Variants in CHAD observed in about 807,000 individuals in gnomAD.
CHAD encodes cartilage leucine-rich protein.
In CHAD, 18 loss-of-function variants were observed where a neutral mutation model predicts 24.0. The observed-to-expected ratio is 0.75, with a 90% CI of 0.52 to 1.11. The LOEUF (loss-of-function observed/expected upper bound fraction) is 1.11. Ranked by LOEUF, CHAD falls within the 50% of genes most tolerant of loss-of-function variation. The probability of loss-of-function intolerance (pLI) is 0.00; values close to 1 mark genes in which losing one functional copy is unlikely to be tolerated. For synonymous variants in CHAD, 195 were observed against 211.6 expected, an observed-to-expected ratio of 0.92 and a Z score of 0.68; for missense variants, 440 against 467.2, an observed-to-expected ratio of 0.94 and a Z score of 0.54.
Position 50,466,566 on chromosome 17 carries a change from T to C in CHAD, c.775-696A>G, listed in dbSNP as rs186102182. On this transcript the variant is annotated intron_variant, in intron 1 of 3. Transcript: ENST00000508540. Reference sequence around the variant, plus strand: ...GGCTGCCAGAGTTTGGCCCCAGCAATCCAAACTGGTACACGGTGAACTTGG... The same window carrying C: ...GGCTGCCAGAGTTTGGCCCCAGCAACCCAAACTGGTACACGGTGAACTTGG... Among the ~76,000 whole-genome samples, 712 of 152,276 alleles carry C rather than the reference T, an allele frequency of 4.7e-3. 4 individuals are homozygous for C. Among genetic ancestry groups the C allele is most frequent in the African/African-American group, 0.017 (697 of 41,562 alleles).
chr17:50,468,783 C>G lies in CHAD; in HGVS notation c.31G>C (p.Gly11Arg). The G allele has an allele frequency of 4.5e-6, 7 of 1,566,894 alleles. No individual in the cohort carries two copies. The highest frequency in any genetic ancestry group is 3.4e-5 in the South Asian group (3 of 87,546). ...GCCGGCAGCAGACCAGCCAGGAGGCCGAGGCTGAGCAAGAGCATTGGGCGG... is the reference window on the plus strand; with the variant it reads ...GCCGGCAGCAGACCAGCCAGGAGGCGGAGGCTGAGCAAGAGCATTGGGCGG... MVRPMLLLSL[G>R]LLAGLLPALA... Residue 11 changes from glycine (G) to arginine (R), a missense_variant, in exon 1 of 4, where the codon GGC (glycine) becomes CGC (arginine). Gly to Arg is a moderately radical substitution (Grantham distance 125). Transcript: ENST00000508540.
chr17:50,467,767 TGGCCCTAGGG>T, intron 1 of CHAD: 1 of 369,748 alleles, frequency 2.7e-6, no homozygotes, highest in Non-Finnish European at 4.8e-6. Context: ...GCACTGGAGA[TGGCCCTAGGG>T]GGCCTTTTGT....
intron 3 of CHAD, 105 bp downstream of exon 3, chr17:50,465,189 G>C: frequency 7.3e-7 from 1 of 1,361,192 alleles, no homozygotes. Flanking sequence ...TAAAAATGGA[G>C]GGTCTGCCTG....
Position 50,468,535 on chromosome 17 carries a change from A to T in CHAD, c.279T>A (p.Gly93=). 1.9e-6 allele frequency: 3 copies of T among 1,614,246 alleles called. No individual in the cohort carries two copies. The highest frequency in any genetic ancestry group is 2.5e-6 in the Non-Finnish European group (3 of 1,180,042). Reference sequence around the variant, plus strand: ...TAAGTTGCTTGAGGCCGCGGAAGGCACCGGCGGCCACCTCGCGGATCTGGC... The same window carrying T: ...TAAGTTGCTTGAGGCCGCGGAAGGCTCCGGCGGCCACCTCGCGGATCTGGC... The part of the protein sequence containing the change: ...QHCQIREVAA[G]AFRGLKQLIY... Residue 93 remains glycine (G), a synonymous_variant, in exon 1 of 4, where the codon GGT becomes GGA. Coordinates refer to ENST00000508540, the MANE Select transcript of CHAD (RefSeq NM_001267.3).
chr17:50,464,755 G>T lies in CHAD; in HGVS notation c.*299C>A. 3.4e-6 allele frequency: 1 copy of T among 294,894 alleles called. No homozygotes were observed. Among genetic ancestry groups the T allele is most frequent in the Non-Finnish European group, 6.5e-6 (1 of 154,194 alleles). 18.3% of individuals were successfully genotyped at this position (294,894 alleles called of 1,614,324 possible). ...GCCATCCTGATGACCAACCTGTTGTGGTTCTGATTGACTTGGGGGGGGGGT... is the reference window on the plus strand; with the variant it reads ...GCCATCCTGATGACCAACCTGTTGTTGTTCTGATTGACTTGGGGGGGGGGT... On this transcript the variant is annotated 3_prime_UTR_variant, in exon 4 of 4. Coordinates refer to ENST00000508540, the MANE Select transcript of CHAD (RefSeq NM_001267.3).
chr17:50,467,935 A>T, intron 1 of CHAD, 105 bp downstream of exon 1: 1 of 1,221,408 alleles, frequency 8.2e-7, no homozygotes, highest in Non-Finnish European at 1.1e-6. Context: ...AGCCAGAGGG[A>T]CAGGGAACCT....
Position 50,468,040 on chromosome 17 carries a change from C to A in CHAD, c.774G>T (p.Lys258Asn). Residue 258 changes from lysine (K) to asparagine (N), a missense_variant and splice_region_variant, in exon 1 of 4, where the codon AAG (lysine) becomes AAT (asparagine). Physicochemically the swap from Lys to Asn is moderately conservative, Grantham distance 94. Transcript: ENST00000508540. ...TLWLDNTNLE[K>N]FSDGAFLGVT... is the part of the protein sequence containing the mutation. ...GCAGAGCCCACAGCCAGGAGCTCACCTTCTCCAGGTTGGTGTTGTCCAGCC... is the reference window on the plus strand; with the variant it reads ...GCAGAGCCCACAGCCAGGAGCTCACATTCTCCAGGTTGGTGTTGTCCAGCC... The A allele has an allele frequency of 6.3e-7, 1 of 1,579,694 alleles. No homozygotes were observed. Among genetic ancestry groups the A allele is most frequent in the Non-Finnish European group, 8.6e-7 (1 of 1,158,356 alleles).
At chr17:50,466,086 T>A (rs1291342544) in intron 1 of CHAD, among the ~76,000 whole-genome samples, 1 of 150,356 alleles carries the variant, frequency 6.7e-6, no homozygotes, top group Non-Finnish European at 1.5e-5. Context: ...TTTTTTTTTT[T>A]TTTCCTTTTT....
Position 50,468,841 on chromosome 17 carries a change from G to A in CHAD, c.-28C>T. On this transcript the variant is annotated 5_prime_UTR_variant, in exon 1 of 4. Transcript: ENST00000508540. The stretch of plus-strand genomic sequence containing the variant: ...CTGGGACGCCTGGGGCCGGGGCTGG[G>A]GGCAGCAGCGGCGGCGGGGCGCGGG... 1.4e-6 allele frequency: 2 copies of A among 1,460,652 alleles called. No individual in the cohort carries two copies. Among genetic ancestry groups the A allele is most frequent in the Non-Finnish European group, 1.8e-6 (2 of 1,115,866 alleles). The allele number at this position is 1,460,652 out of a possible 1,614,324, so 90.5% of individuals were successfully genotyped here. A position where few individuals can be genotyped will look rare whatever the true frequency, so the allele number is the denominator to read the frequency against.
At chr17:50,466,694 A>G (rs2032752353) in intron 1 of CHAD, among the ~76,000 whole-genome samples, 1 of 152,164 alleles carries the variant, frequency 6.6e-6, no homozygotes, top group South Asian at 2.1e-4. Flanking sequence ...TGCCAGCCAG[A>G]CGCTATTTGT....
intron 1 of CHAD, 60 bp downstream of exon 1, chr17:50,467,980 T>A: frequency 1.3e-6 from 2 of 1,503,772 alleles, no homozygotes; most frequent in Non-Finnish European, 1.8e-6. Context: ...TGGCCCTGGC[T>A]CCTGGGGCCT....
chr17:50,465,105 G>T, intron 3 of CHAD, 56 bp from the exon 4 acceptor site: 1 of 632,350 alleles, frequency 1.6e-6, no homozygotes. Flanking sequence ...GATGCTTGAA[G>T]AAAATGGTGG....
Position 50,468,166 on chromosome 17 carries a change from G to A in CHAD, c.648C>T (p.Ser216=), listed in dbSNP as rs769764665. The A allele has an allele frequency of 6.2e-7, 1 of 1,614,068 alleles. No individual in the cohort carries two copies. Among genetic ancestry groups the A allele is most frequent in the Non-Finnish European group, 8.5e-7 (1 of 1,180,030 alleles). ...QLSSYPSAAL[S]KLRVVEELKL... ...TCAGCTCCTCCACCACCCGTAGCTT[G>A]CTCAGGGCAGCTGAGGGGTAGCTGG... The change falls in exon 1 of 4, where the codon AGC becomes AGT. Residue 216 remains serine (S), a synonymous_variant. Coordinates refer to ENST00000508540, the MANE Select transcript of CHAD (RefSeq NM_001267.3).
Position 50,468,526 on chromosome 17 carries a change from G to T in CHAD, c.288C>A (p.Arg96=). 1 of 1,614,256 alleles carries T rather than the reference G, an allele frequency of 6.2e-7. No individual in the cohort carries two copies. Among genetic ancestry groups the T allele is most frequent in the Non-Finnish European group, 8.5e-7 (1 of 1,180,040 alleles). The change falls in exon 1 of 4, where the codon CGC becomes CGA. Residue 96 remains arginine (R), a synonymous_variant. Transcript: ENST00000508540. ...ACAAGTAGATAAGTTGCTTGAGGCC[G>T]CGGAAGGCACCGGCGGCCACCTCGC... ...QIREVAAGAF[R]GLKQLIYLYL...
chr17:50,468,306 C>A lies in CHAD; in HGVS notation c.508G>T (p.Ala170Ser). Reference sequence around the variant, plus strand: ...AGGTAGAGCCAGCGCAGGTCCTTGGCTCCCTGGAAGGCGCCTGCGCGCAGC... The same window carrying A: ...AGGTAGAGCCAGCGCAGGTCCTTGGATCCCTGGAAGGCGCCTGCGCGCAGC... ...RELRAGAFQG[A>S]KDLRWLYLSE... Residue 170 changes from alanine (A) to serine (S), a missense_variant, in exon 1 of 4, where the codon GCC (alanine) becomes TCC (serine). Coordinates refer to ENST00000508540, the MANE Select transcript of CHAD (RefSeq NM_001267.3). 6.2e-7 allele frequency: 1 copy of A among 1,613,952 alleles called. No individual in the cohort carries two copies. Among genetic ancestry groups the A allele is most frequent in the Non-Finnish European group, 8.5e-7 (1 of 1,179,848 alleles).
chr17:50,468,329 A>G lies in CHAD; in HGVS notation c.485T>C (p.Leu162Pro). 6.2e-7 allele frequency: 1 copy of G among 1,614,148 alleles called. No individual in the cohort carries two copies. The highest frequency in any genetic ancestry group is 8.5e-7 in the Non-Finnish European group (1 of 1,180,004). Residue 162 changes from leucine (L) to proline (P), a missense_variant, in exon 1 of 4, where the codon CTG (leucine) becomes CCG (proline). Transcript: ENST00000508540. ...GGCTCCCTGGAAGGCGCCTGCGCGCAGCTCACGGATCTTGTTGTTGTTGAG... is the reference window on the plus strand; with the variant it reads ...GGCTCCCTGGAAGGCGCCTGCGCGCGGCTCACGGATCTTGTTGTTGTTGAG... ...LQLNNNKIRE[L>P]RAGAFQGAKD...
At chr17:50,465,263 G>A in intron 3 of CHAD, 31 bp downstream of exon 3, 2 of 1,613,556 alleles carry the variant, frequency 1.2e-6, no homozygotes, top group Non-Finnish European at 1.7e-6. Context: ...ACCAAAGAGG[G>A]ACATAGGGGA....
chr17:50,464,746 AC>A lies in CHAD; in HGVS notation c.*307del. 3.1e-6 allele frequency: 1 copy of A among 320,416 alleles called. No homozygotes were observed. The highest frequency in any genetic ancestry group is 2.2e-5 in the South Asian group (1 of 44,580). The allele number at this position is 320,416 out of a possible 1,614,324, so 19.8% of individuals were successfully genotyped here. ...GGGAGGGTGGCCATCCTGATGACCA[AC>A]CTGTTGTGGTTCTGATTGACTTGGG... On this transcript the variant is annotated 3_prime_UTR_variant, in exon 4 of 4. Coordinates refer to ENST00000508540, the MANE Select transcript of CHAD (RefSeq NM_001267.3).
At position 50,465,053 on chromosome 17, in the gene CHAD, C is replaced by T; in HGVS notation, c.*5-4G>A. 1.9e-6 allele frequency: 1 copy of T among 535,712 alleles called. No individual in the cohort carries two copies. Among genetic ancestry groups the T allele is most frequent in the Non-Finnish European group, 3.3e-6 (1 of 299,366 alleles). The allele number at this position is 535,712 out of a possible 1,614,324, so 33.2% of individuals were successfully genotyped here. On this transcript the variant is annotated splice_region_variant and splice_polypyrimidine_tract_variant and intron_variant, in intron 3 of 3. Coordinates refer to ENST00000508540, the MANE Select transcript of CHAD (RefSeq NM_001267.3). ...CCAGGACTGGCTGGGTCAGAACCTG[C>T]AAAGAGGCAAAGATCGATGTCAGTA...
Sources: allele counts gnomAD v4.1 joint callset (sites outside exome capture counted in the v4.1 genomes callset), GRCh38; gene constraint gnomAD v4.1.1; transcripts MANE v1.5; gene names NCBI Gene and HGNC (gene_info 2026-07-23, HGNC 2026-07-21).